Variants in SLC8A1 observed in about 807,000 individuals in gnomAD.
SLC8A1 encodes the protein sodium/calcium exchanger 1.
In SLC8A1, 18 loss-of-function variants were observed where a neutral mutation model predicts 68.3. The ratio of observed to expected loss-of-function variants is 0.26; its 90% CI spans 0.18 to 0.39. The LOEUF is 0.39. Among genes scored for constraint, SLC8A1 ranks in the 10% least tolerant of loss-of-function variants. SLC8A1 has a pLI of 1.00. For synonymous variants in SLC8A1, 475 were observed against 415.5 expected, an observed-to-expected ratio of 1.14 and a Z score of -1.74; for missense variants, 985 against 1,156.7, an observed-to-expected ratio of 0.85 and a Z score of 2.15.
chr2:40,353,637 A>G (rs187593278), intron 2 of SLC8A1, among the ~76,000 whole-genome samples: 18 of 152,314 alleles, frequency 1.2e-4, no homozygotes, highest in Admixed American at 8.5e-4. Flanking sequence ...CTAGGCCTGA[A>G]AACTAAGAGA....
At chr2:40,367,895 C>T (rs1229013914) in intron 2 of SLC8A1, among the ~76,000 whole-genome samples, 2 of 152,070 alleles carry the variant, frequency 1.3e-5, no homozygotes, top group African/African-American at 4.8e-5. Context: ...AAACTGGTAG[C>T]ATGCCAGGTC....
At chr2:40,468,665 C>T (rs34076394) in intron 1 of SLC8A1, among the ~76,000 whole-genome samples, 13,480 of 152,082 alleles carry the variant, frequency 0.089, 966 homozygotes, top group East Asian at 0.31. Context: ...ATATGCAAAG[C>T]AGAAGGAATA....
At chr2:40,190,253 C>A (rs1049314585) in intron 2 of SLC8A1, among the ~76,000 whole-genome samples, 17 of 152,182 alleles carry the variant, frequency 1.1e-4, no homozygotes, top group Non-Finnish European at 1.5e-4. Context: ...CCCAAGCCCT[C>A]CACTTTTCAT....
At chr2:40,255,688 A>T (rs1178076501) in intron 2 of SLC8A1, among the ~76,000 whole-genome samples, 1 of 152,218 alleles carries the variant, frequency 6.6e-6, no homozygotes, top group African/African-American at 2.4e-5. Context: ...TTAAGAGAAT[A>T]ATGAAAAGAG....
intron 2 of SLC8A1, among the ~76,000 whole-genome samples, chr2:40,401,529 G>A (rs2149657545): frequency 7.9e-6 from 1 of 126,756 alleles, no homozygotes; most frequent in South Asian, 2.5e-4. Context: ...AAAGCTCCTT[G>A]CATAGTAAGG....
At chr2:40,381,191 C>G (rs1219560291) in intron 2 of SLC8A1, among the ~76,000 whole-genome samples, 1 of 152,012 alleles carries the variant, frequency 6.6e-6, no homozygotes, top group Non-Finnish European at 1.5e-5. Flanking sequence ...CTCGGCAATA[C>G]CACCAGCCCT....
chr2:40,333,081 T>C (rs1394788288), intron 2 of SLC8A1, among the ~76,000 whole-genome samples: 1 of 152,192 alleles, frequency 6.6e-6, no homozygotes, highest in Non-Finnish European at 1.5e-5. Flanking sequence ...TAAAAATTGA[T>C]TCAGCAGAAT....
At chr2:40,507,740 G>C (rs1157018013) in intron 1 of SLC8A1, among the ~76,000 whole-genome samples, 1 of 151,922 alleles carries the variant, frequency 6.6e-6, no homozygotes. Context: ...CTATCTCATA[G>C]GGCTAATTGT....
chr2:40,115,370 A>C (rs193263100), exon 8 of SLC8A1: 337 of 1,614,062 alleles, frequency 2.1e-4, no homozygotes, highest in Non-Finnish European at 2.7e-4. Flanking sequence ...CACCCAGCTC[A>C]CCTCCGATTT....
intron 1 of SLC8A1, among the ~76,000 whole-genome samples, chr2:40,439,265 T>G (rs1700047385): frequency 6.6e-6 from 1 of 152,164 alleles, no homozygotes; most frequent in Admixed American, 6.6e-5. Context: ...GTCACTACAT[T>G]GGCAGGTGAC....
At chr2:40,480,347 G>C (rs1289705460) in intron 1 of SLC8A1, among the ~76,000 whole-genome samples, 1 of 152,060 alleles carries the variant, frequency 6.6e-6, no homozygotes, top group African/African-American at 2.4e-5. Context: ...GATCATGAGG[G>C]CTCTGTCTTC....
chr2:40,129,012 G>T (rs114252770), intron 7 of SLC8A1, among the ~76,000 whole-genome samples: 1,972 of 152,248 alleles, frequency 0.013, 42 homozygotes, highest in African/African-American at 0.045. Flanking sequence ...GTAAATGGCC[G>T]TGAGGCATCT....
intron 2 of SLC8A1, among the ~76,000 whole-genome samples, chr2:40,304,295 A>C (rs891432205): frequency 2.0e-4 from 30 of 152,314 alleles, no homozygotes; most frequent in African/African-American, 7.0e-4. Context: ...CTTGAAGGAA[A>C]TAAGGAGGCT....
chr2:40,504,840 C>A (rs1386426036), intron 1 of SLC8A1, among the ~76,000 whole-genome samples: 3 of 151,630 alleles, frequency 2.0e-5, no homozygotes, highest in Admixed American at 6.6e-5. Flanking sequence ...GTAAAGGAAC[C>A]CTTTGTACAC....
At chr2:40,239,474 A>G (rs1208993464) in intron 2 of SLC8A1, among the ~76,000 whole-genome samples, 1 of 152,198 alleles carries the variant, frequency 6.6e-6, no homozygotes, top group Non-Finnish European at 1.5e-5. Context: ...TGCATTACAG[A>G]TTAGGGAACC....
intron 2 of SLC8A1, among the ~76,000 whole-genome samples, chr2:40,188,473 C>T (rs1201811446): frequency 6.6e-6 from 1 of 152,252 alleles, no homozygotes; most frequent in Non-Finnish European, 1.5e-5. Flanking sequence ...GGATTTCAGA[C>T]TGCTGGTTGC....
chr2:40,336,321 G>A (rs570003771), intron 2 of SLC8A1, among the ~76,000 whole-genome samples: 3 of 152,236 alleles, frequency 2.0e-5, no homozygotes, highest in South Asian at 4.2e-4. Flanking sequence ...ACACTCAAAT[G>A]AGTAAACAAA....
intron 2 of SLC8A1, among the ~76,000 whole-genome samples, chr2:40,278,818 T>C (rs2067121719): frequency 6.6e-6 from 1 of 152,194 alleles, no homozygotes; most frequent in Non-Finnish European, 1.5e-5. Context: ...ACATCTAAAC[T>C]CTTTAAAAAC....
At chr2:40,487,302 T>C (rs895682306) in intron 1 of SLC8A1, among the ~76,000 whole-genome samples, 31 of 152,248 alleles carry the variant, frequency 2.0e-4, no homozygotes, top group Middle Eastern at 3.4e-3. Flanking sequence ...TTCTCCTTAA[T>C]ATTTGACATT....
Sources: gnomAD v4.1 joint callset for allele counts (sites outside exome capture counted in the v4.1 genomes callset) on GRCh38, gnomAD v4.1.1 for gene constraint, MANE v1.5 for transcripts, NCBI Gene and HGNC (gene_info 2026-07-23, HGNC 2026-07-21) for gene names.